CDKL1: variants seen among roughly 807,000 people sequenced by gnomAD.
CDKL1 encodes the protein cyclin-dependent kinase-like 1.
In CDKL1, 41 loss-of-function variants were observed where a neutral mutation model predicts 42.0. That is an observed-to-expected ratio of 0.98 (90% CI 0.76 to 1.27). The LOEUF is 1.27. Ranked by LOEUF, CDKL1 falls within the 50% of genes most tolerant of loss-of-function variation. CDKL1 has a pLI of 0.00. For synonymous variants in CDKL1, 153 were observed against 158.6 expected (o/e 0.96, Z 0.26); for missense variants, 394 against 428.4 (o/e 0.92, Z 0.71).
At chr14:50,342,518 T>C in intron 4 of CDKL1, 1 of 820,496 alleles carries the variant, frequency 1.2e-6, no homozygotes, top group Non-Finnish European at 1.6e-6. Context: ...GAATTTCAGA[T>C]AAACAAATAA....
At chr14:50,386,102 G>A (rs1459615715) in intron 2 of CDKL1, among the ~76,000 whole-genome samples, 7 of 152,018 alleles carry the variant, frequency 4.6e-5, no homozygotes, top group African/African-American at 1.7e-4. Flanking sequence ...ATGTGTGAGA[G>A]AGGGGGAAAG....
intron 3 of CDKL1, among the ~76,000 whole-genome samples, chr14:50,356,743 T>A (rs1326656977): frequency 2.0e-5 from 3 of 152,234 alleles, no homozygotes; most frequent in African/African-American, 7.2e-5. Flanking sequence ...AAATCTTATA[T>A]TTGGCAAATC....
chr14:50,373,571 C>A (rs149146516), intron 2 of CDKL1, among the ~76,000 whole-genome samples: 1,551 of 152,290 alleles, frequency 0.01, 31 homozygotes, highest in African/African-American at 0.036. Context: ...ATATTTATTA[C>A]ATTAAAACCA....
chr14:50,394,390 A>G (rs1461445115), intron 2 of CDKL1, among the ~76,000 whole-genome samples: 1 of 152,222 alleles, frequency 6.6e-6, no homozygotes, highest in Non-Finnish European at 1.5e-5. Context: ...CCTGTTGGTT[A>G]AGAACATTCC....
intron 3 of CDKL1, among the ~76,000 whole-genome samples, chr14:50,346,734 T>C (rs1341305663): frequency 7.0e-6 from 1 of 142,418 alleles, no homozygotes; most frequent in Non-Finnish European, 1.5e-5. Flanking sequence ...CACTGCAAAC[T>C]CTGCCTCCCA....
chr14:50,361,406 C>T (rs2034242580), intron 2 of CDKL1, among the ~76,000 whole-genome samples: 1 of 152,136 alleles, frequency 6.6e-6, no homozygotes, highest in South Asian at 2.1e-4. Flanking sequence ...TCTTATTAGT[C>T]CATTTGTGCT....
At chr14:50,383,477 G>A (rs564681789) in intron 2 of CDKL1, among the ~76,000 whole-genome samples, 2 of 151,530 alleles carry the variant, frequency 1.3e-5, no homozygotes, top group Admixed American at 6.6e-5. Context: ...TTGAACCTGC[G>A]GGGAGGAGGA....
chr14:50,341,397 A>C (rs549004162), intron 5 of CDKL1, among the ~76,000 whole-genome samples, 165 bp from the exon 6 acceptor site: 3 of 146,328 alleles, frequency 2.1e-5, no homozygotes, highest in Non-Finnish European at 4.5e-5. Flanking sequence ...ATATTTTGTA[A>C]ATTACTGATG....
intron 2 of CDKL1, among the ~76,000 whole-genome samples, chr14:50,374,333 T>C (rs997246113): frequency 1.3e-5 from 2 of 152,246 alleles, no homozygotes; most frequent in African/African-American, 2.4e-5. Context: ...TTCTATATGA[T>C]ACTGTAATAG....
At chr14:50,369,476 G>A (rs1043744662) in intron 2 of CDKL1, among the ~76,000 whole-genome samples, 2 of 151,798 alleles carry the variant, frequency 1.3e-5, no homozygotes, top group South Asian at 2.1e-4. Context: ...GTAGAAAAAC[G>A]TACAAGCAAT....
At chr14:50,336,322 C>T (rs1006447903) in intron 7 of CDKL1, 12 of 1,130,894 alleles carry the variant, frequency 1.1e-5, no homozygotes, top group Non-Finnish European at 1.4e-5. Flanking sequence ...CCATGGGAAG[C>T]TTCTTACATT....
Position 50,395,722 on chromosome 14 carries a change from A to G in CDKL1, c.147T>C (p.Leu49=), listed in dbSNP as rs960372140. The change falls in exon 2 of 10, where the codon CTT becomes CTC. Residue 49 remains leucine, a synonymous_variant. Coordinates refer to ENST00000395834, the MANE Select transcript of CDKL1 (RefSeq NM_004196.7). ...EDDPVIKKIA[L]REIRMLKQLK... is the part of the protein sequence containing the mutation. ...TTACCTTGAGCATTCGGATTTCCCG[A>G]AGGGCAATTTTCTTTATGACAGGGT... is the stretch of plus-strand genomic sequence containing the variant. The G allele has an allele frequency of 6.2e-7, 1 of 1,612,240 alleles. No homozygotes were observed. Among genetic ancestry groups the G allele is most frequent in the Non-Finnish European group, 8.5e-7 (1 of 1,178,642 alleles).
At chr14:50,339,381 C>T (rs1023776431) in intron 6 of CDKL1, among the ~76,000 whole-genome samples, 19 of 152,112 alleles carry the variant, frequency 1.2e-4, no homozygotes, top group African/African-American at 1.9e-4. Flanking sequence ...AACAGCAAAA[C>T]GGCAACAACC....
chr14:50,369,885 C>T lies in CDKL1; in HGVS notation c.169-10736G>A, dbSNP rs543609424. Among the ~76,000 whole-genome samples the T allele has an allele frequency of 7.2e-5, 11 of 152,260 alleles. No homozygotes were observed. The South Asian group carries it at 2.1e-3, about 29-fold the overall frequency. On this transcript the variant is annotated intron_variant, in intron 2 of 9. Transcript: ENST00000395834. ...CCGCCCACCCCAGCCTCCCAAAGTGCTGGGATTACAGGCGTGAGCCACCAT... is the reference window on the plus strand; with the variant it reads ...CCGCCCACCCCAGCCTCCCAAAGTGTTGGGATTACAGGCGTGAGCCACCAT...
chr14:50,350,581 AG>A (rs1439627954), intron 3 of CDKL1, among the ~76,000 whole-genome samples: 2 of 152,192 alleles, frequency 1.3e-5, no homozygotes, highest in African/African-American at 2.4e-5. Context: ...CCTAGTAAAT[AG>A]TACTCCAAGG....
At chr14:50,370,089 G>A (rs1353599001) in intron 2 of CDKL1, among the ~76,000 whole-genome samples, 1 of 144,426 alleles carries the variant, frequency 6.9e-6, no homozygotes, top group Non-Finnish European at 1.5e-5. Flanking sequence ...TTTTCTTTGA[G>A]ACAGAGTCTT....
chr14:50,356,464 T>C (rs1364792305), intron 3 of CDKL1, among the ~76,000 whole-genome samples: 1 of 152,138 alleles, frequency 6.6e-6, no homozygotes, highest in Admixed American at 6.5e-5. Flanking sequence ...AAAAAGAAAA[T>C]GTGGTATATA....
chr14:50,358,634 G>GTTTTTTTTTTTTTTT (rs1379484175), intron 3 of CDKL1, among the ~76,000 whole-genome samples: 1 of 45,122 alleles, frequency 2.2e-5, no homozygotes, highest in Non-Finnish European at 4.6e-5. Flanking sequence ...TTTTTAACTA[G>GTTTTTTTTTTTTTTT]TCTTTTTTTT....
chr14:50,397,293 G>C, upstream of CDKL1: 1 of 1,364,856 alleles, frequency 7.3e-7, no homozygotes, highest in Non-Finnish European at 9.8e-7. Flanking sequence ...TGCGGCGTCA[G>C]TGAATGAATG....
Sources: allele counts gnomAD v4.1 joint callset (sites outside exome capture counted in the v4.1 genomes callset), GRCh38; gene constraint gnomAD v4.1.1; transcripts MANE v1.5; gene names NCBI Gene and HGNC (gene_info 2026-07-23, HGNC 2026-07-21).